The following THG1L variants were observed in gnomAD, a reference collection of about 807,000 sequenced individuals.
The protein encoded by THG1L is probable tRNA(His) guanylyltransferase.
THG1L carries 27 observed loss-of-function variants against 35.2 expected under a neutral mutation model. The observed-to-expected ratio is 0.77, with a 90% confidence interval of 0.57 to 1.06. The LOEUF is 1.06. THG1L is among the 50% of genes least tolerant of loss of function. The pLI is 0.00. For synonymous variants in THG1L, 135 were observed against 132.4 expected, an observed-to-expected ratio of 1.02 and a Z score of -0.14; for missense variants, 377 against 371.8, an observed-to-expected ratio of 1.01 and a Z score of -0.12.
chr5:157,734,999 G>A (rs1234813160), intron 3 of THG1L, among the ~76,000 whole-genome samples: 1 of 150,590 alleles, frequency 6.6e-6, no homozygotes, highest in Non-Finnish European at 1.5e-5. Flanking sequence ...ATGCAGTGGT[G>A]TCATCTTGGC....
At chr5:157,735,144 G>T (rs187588149) in intron 3 of THG1L, among the ~76,000 whole-genome samples, 160 of 151,980 alleles carry the variant, frequency 1.1e-3, no homozygotes, top group African/African-American at 3.7e-3. Context: ...CTCCATGTTG[G>T]TCAGGCTGGT....
At position 157,737,991 on chromosome 5, in the gene THG1L, G is replaced by C. The variant is rs1760927478; in HGVS notation, c.732G>C (p.Gln244His). Residue 244 changes from glutamine (Q) to histidine (H), a missense_variant, in exon 5 of 6, where the codon CAG becomes CAC. Physicochemically the swap from Gln to His is conservative, Grantham distance 24. Coordinates refer to ENST00000231198, the MANE Select transcript of THG1L (RefSeq NM_017872.5). ...GGAAAGGGACTGTGTTGATATGGCA[G>C]AAGGTAATGCTGTTATGTTCAAAGA... Reference protein sequence around the residue: ...MYRKGTVLIWQKVDEVMTKEI... With the variant: ...MYRKGTVLIWHKVDEVMTKEI... 6.2e-7 allele frequency: 1 copy of C among 1,607,764 alleles called. No individual in the cohort carries two copies. The highest frequency in any genetic ancestry group is 1.7e-5 in the Admixed American group (1 of 59,670).
At chr5:157,737,783 C>A in intron 4 of THG1L, 104 bp from the exon 5 acceptor site, 1 of 796,156 alleles carries the variant, frequency 1.3e-6, no homozygotes, top group Non-Finnish European at 2.0e-6. Flanking sequence ...TAAAATCCTT[C>A]CACTTCTTGA....
intron 5 of THG1L, chr5:157,738,833 T>TTC (rs1468809779): frequency 1.4e-5 from 3 of 215,700 alleles, no homozygotes; most frequent in African/African-American, 7.2e-5. Flanking sequence ...CCTTTTTTTT[T>TTC]TTTTTTTTTA....
Position 157,734,594 on chromosome 5 carries a change from G to A in THG1L, c.387G>A (p.Val129=). The A allele has an allele frequency of 6.2e-7, 1 of 1,614,058 alleles. No individual in the cohort carries two copies. Among genetic ancestry groups the A allele is most frequent in the Non-Finnish European group, 8.5e-7 (1 of 1,180,022 alleles). Residue 129 remains valine, a synonymous_variant, in exon 3 of 6, where the codon GTG becomes GTA. Transcript: ENST00000231198. The part of the protein sequence containing the change: ...KRRASKFMTH[V]ASQFASSYVF... ...TTTCAAGTAAGTTCATGACTCACGT[G>A]GCCTCCCAGTTTGCCTCCAGCTATG...
intron 4 of THG1L, among the ~76,000 whole-genome samples, 189 bp downstream of exon 4, chr5:157,736,123 C>T (rs1487302533): frequency 2.6e-5 from 4 of 152,194 alleles, no homozygotes; most frequent in Admixed American, 2.0e-4. Flanking sequence ...GGATGAATTA[C>T]TGCTTCTCCC....
At chr5:157,736,169 C>T (rs1015105407) in intron 4 of THG1L, among the ~76,000 whole-genome samples, 13 of 151,992 alleles carry the variant, frequency 8.6e-5, no homozygotes, top group African/African-American at 2.7e-4. Flanking sequence ...ATGGAATTGA[C>T]GGCACTGGCT....
intron 5 of THG1L, 124 bp downstream of exon 5, chr5:157,738,118 C>G: frequency 1.4e-6 from 1 of 702,912 alleles, no homozygotes; most frequent in Non-Finnish European, 2.4e-6. Flanking sequence ...GCAAACCTTT[C>G]CAAGAGGAGA....
intron 2 of THG1L, among the ~76,000 whole-genome samples, chr5:157,733,922 T>C (rs1483619944): frequency 1.3e-5 from 2 of 152,136 alleles, no homozygotes; most frequent in African/African-American, 4.8e-5. Flanking sequence ...CAGTGAGCTA[T>C]GATTGTGCCA....
At position 157,735,947 on chromosome 5, in the gene THG1L, T is replaced by C. The variant is rs748385893; in HGVS notation, c.627+13T>C. The C allele has an allele frequency of 1.9e-6, 3 of 1,552,002 alleles. 1 individual carries two copies. Among genetic ancestry groups the C allele is most frequent in the South Asian group, 2.3e-5 (2 of 85,812 alleles). ...AGGGAGATTACAGGTATAAAGATCTTACTACATTAATACTTAACTGGGGAC... is the reference window on the plus strand; with the variant it reads ...AGGGAGATTACAGGTATAAAGATCTCACTACATTAATACTTAACTGGGGAC... On this transcript the variant is annotated intron_variant, in intron 4 of 5. Transcript: ENST00000231198.
Position 157,733,053 on chromosome 5 carries a change from A to G in THG1L, c.368+9A>G, listed in dbSNP as rs753396104. On this transcript the variant is annotated intron_variant, in intron 2 of 5. Transcript: ENST00000231198. ...TTTAAAAGAAGAGCCAGGTAATTCC[A>G]TGACCTAACTCCTTTCTTCAGAATA... 9.3e-6 allele frequency: 15 copies of G among 1,613,404 alleles called. No individual in the cohort carries two copies. The highest frequency in any genetic ancestry group is 1.3e-5 in the Non-Finnish European group (15 of 1,179,380).
chr5:157,734,634 G>T lies in THG1L; in HGVS notation c.427G>T (p.Asp143Tyr), dbSNP rs566197324. 2 of 1,614,122 alleles carry T rather than the reference G, an allele frequency of 1.2e-6. No individual in the cohort carries two copies. Among genetic ancestry groups the T allele is most frequent in the African/African-American group, 2.7e-5 (2 of 75,024 alleles). The change falls in exon 3 of 6, where the codon GAT becomes TAT. Residue 143 changes from aspartate to tyrosine, a missense_variant. Transcript: ENST00000231198. ...FASSYVFYWRDYFEDQPLLYP... is the reference protein window; with the variant it reads ...FASSYVFYWRYYFEDQPLLYP... ...CTCCAGCTATGTGTTTTATTGGCGG[G>T]ATTACTTTGAGGACCAGCCCCTTCT...
In THG1L at chr5:157,737,867, A is replaced by G. The variant is rs1760923597; in HGVS notation, c.628-20A>G. ...AAAGAAGACATGCAGAGCTTTTAAT[A>G]TCTATTTTTATTTTCTCAGGGAACT... On this transcript the variant is annotated intron_variant, in intron 4 of 5. Coordinates refer to ENST00000231198, the MANE Select transcript of THG1L (RefSeq NM_017872.5). 6.3e-7 allele frequency: 1 copy of G among 1,594,250 alleles called. No individual in the cohort carries two copies. The highest frequency in any genetic ancestry group is 8.6e-7 in the Non-Finnish European group (1 of 1,165,746).
rs1246410700 is a variant in THG1L, at chr5:157,740,321, G to A, written c.*839G>A. ...ACTTCTTGAAAAACATTCTCACATA[G>A]CCTCTATGTAATCAGACAAATGACA... On this transcript the variant is annotated 3_prime_UTR_variant, in exon 6 of 6. Coordinates refer to ENST00000231198, the MANE Select transcript of THG1L (RefSeq NM_017872.5). 1 of 152,146 alleles carries A rather than the reference G, an allele frequency of 6.6e-6. No individual in the cohort carries two copies. Among genetic ancestry groups the A allele is most frequent in the Non-Finnish European group, 1.5e-5 (1 of 68,028 alleles). The allele number at this position is 152,146 out of a possible 1,614,324, so 9.4% of individuals were successfully genotyped here. A position where few individuals can be genotyped will look rare whatever the true frequency, so the allele number is the denominator to read the frequency against.
chr5:157,733,073 A>G lies in THG1L; in HGVS notation c.368+29A>G, dbSNP rs779917447. On this transcript the variant is annotated intron_variant, in intron 2 of 5. Coordinates refer to ENST00000231198, the MANE Select transcript of THG1L (RefSeq NM_017872.5). Reference sequence around the variant, plus strand: ...ATTCCATGACCTAACTCCTTTCTTCAGAATATTTCCTCCCAGCATCTGGTT... The same window carrying G: ...ATTCCATGACCTAACTCCTTTCTTCGGAATATTTCCTCCCAGCATCTGGTT... 4.4e-6 allele frequency: 7 copies of G among 1,605,424 alleles called. No homozygotes were observed. In the East Asian group the frequency reaches 1.3e-4, roughly 31 times the overall value.
Position 157,734,616 on chromosome 5 carries a change from T to G in THG1L, c.409T>G (p.Tyr137Asp). 1.2e-6 allele frequency: 2 copies of G among 1,614,226 alleles called. No individual in the cohort carries two copies. Among genetic ancestry groups the G allele is most frequent in the Non-Finnish European group, 1.7e-6 (2 of 1,180,036 alleles). ...THVASQFASSYVFYWRDYFED... is the reference protein window; with the variant it reads ...THVASQFASSDVFYWRDYFED... ...CGTGGCCTCCCAGTTTGCCTCCAGCTATGTGTTTTATTGGCGGGATTACTT... is the reference window on the plus strand; with the variant it reads ...CGTGGCCTCCCAGTTTGCCTCCAGCGATGTGTTTTATTGGCGGGATTACTT... The change falls in exon 3 of 6, where the codon TAT (tyrosine) becomes GAT (aspartate). Residue 137 changes from tyrosine to aspartate, a missense_variant. Tyr to Asp is a radical substitution (Grantham distance 160, BLOSUM62 -3). Coordinates refer to ENST00000231198, the MANE Select transcript of THG1L (RefSeq NM_017872.5).
At chr5:157,736,857 G>C (rs967804960) in intron 4 of THG1L, among the ~76,000 whole-genome samples, 9 of 152,232 alleles carry the variant, frequency 5.9e-5, no homozygotes, top group African/African-American at 2.2e-4. Context: ...CACATTGTAA[G>C]TGCTTAATAA....
chr5:157,732,418 A>C (rs1760753742), intron 1 of THG1L, among the ~76,000 whole-genome samples: 1 of 152,088 alleles, frequency 6.6e-6, no homozygotes, highest in Admixed American at 6.5e-5. Context: ...ACTGCACTCC[A>C]GCTTGGGTGA....
rs754504211 is a variant in THG1L, at chr5:157,739,170, C to CATAT, written c.736-145_736-142dup. On this transcript the variant is annotated intron_variant, in intron 5 of 5. Transcript: ENST00000231198. The stretch of plus-strand genomic sequence containing the variant: ...ATATATACACACATACATATATGCG[C>CATAT]ATATATATACACATATTTATATCTA... The CATAT allele has an allele frequency of 1.4e-5, 8 of 573,578 alleles. No homozygotes were observed. The South Asian group carries it at 2.3e-4, about 16-fold the overall frequency. 35.5% of individuals were successfully genotyped at this position (573,578 alleles called of 1,614,324 possible).
Sources: allele counts gnomAD v4.1 joint callset (sites outside exome capture counted in the v4.1 genomes callset), GRCh38; gene constraint gnomAD v4.1.1; transcripts MANE v1.5; gene names NCBI Gene and HGNC (gene_info 2026-07-23, HGNC 2026-07-21).